OPCML: variants seen among roughly 807,000 people sequenced by gnomAD.
OPCML encodes the protein opioid binding protein/cell adhesion molecule like.
A neutral mutation model predicts 37.8 loss-of-function variants in OPCML; 13 were observed. The observed-to-expected ratio is 0.34, with a 90% CI of 0.22 to 0.55. The LOEUF is 0.55. Ranked by LOEUF, OPCML falls within the 20% of genes least tolerant of loss-of-function variation. OPCML has a pLI of 0.91. For missense variants in OPCML, 341 were observed against 435.6 expected, an observed-to-expected ratio of 0.78 and a Z score of 1.93; for synonymous variants, 176 against 168.8, an observed-to-expected ratio of 1.04 and a Z score of -0.33.
At chr11:133,280,186 T>C (rs1390830299) in intron 1 of OPCML, among the ~76,000 whole-genome samples, 1 of 152,230 alleles carries the variant, frequency 6.6e-6, no homozygotes, top group Non-Finnish European at 1.5e-5. Context: ...TCTGTTTCAT[T>C]GTATCTTTCC....
Position 133,235,651 on chromosome 11 carries a change from C to T in OPCML, c.62-292641G>A, listed in dbSNP as rs187905596. On this transcript the variant is annotated intron_variant, in intron 1 of 7. Coordinates refer to ENST00000524381, the MANE Select transcript of OPCML (RefSeq NM_001012393.5). ...GAGGTAAAGCTGTTAGGAAACTGAACGCTGGCTCAACAGACCCCAAAAAAT... is the reference window on the plus strand; with the variant it reads ...GAGGTAAAGCTGTTAGGAAACTGAATGCTGGCTCAACAGACCCCAAAAAAT... 1.4e-4 allele frequency among the ~76,000 whole-genome samples: 21 copies of T among 152,314 alleles called. No homozygotes were observed. In the East Asian group the frequency reaches 1.9e-3, roughly 14 times the overall value.
chr11:132,529,296 G>T, intron 3 of OPCML, 110 bp from the exon 4 acceptor site: 3 of 1,353,158 alleles, frequency 2.2e-6, no homozygotes, highest in South Asian at 1.7e-5. Context: ...AATATTGTTT[G>T]CAGTAATAAA....
chr11:133,100,202 A>G (rs1422556021), intron 1 of OPCML, among the ~76,000 whole-genome samples: 1 of 152,192 alleles, frequency 6.6e-6, no homozygotes, highest in African/African-American at 2.4e-5. Flanking sequence ...GGATCAAAGT[A>G]CTACCTATCA....
chr11:133,139,993 C>A (rs928926038), intron 1 of OPCML, among the ~76,000 whole-genome samples: 1 of 151,476 alleles, frequency 6.6e-6, no homozygotes, highest in Non-Finnish European at 1.5e-5. Flanking sequence ...TCGAGACCAG[C>A]CTGGTCTATA....
chr11:132,667,678 G>A (rs1025263080), intron 2 of OPCML, among the ~76,000 whole-genome samples: 1 of 152,174 alleles, frequency 6.6e-6, no homozygotes, highest in African/African-American at 2.4e-5. Flanking sequence ...GGGAAAGCCA[G>A]GAGGCAATCT....
At chr11:133,408,210 T>G (rs1056242049) in intron 1 of OPCML, among the ~76,000 whole-genome samples, 14 of 152,224 alleles carry the variant, frequency 9.2e-5, no homozygotes, top group African/African-American at 3.4e-4. Flanking sequence ...TATTAAACTT[T>G]GAGATGCGTG....
chr11:132,449,870 G>C (rs1409602374), intron 4 of OPCML, among the ~76,000 whole-genome samples: 1 of 152,164 alleles, frequency 6.6e-6, no homozygotes, highest in Non-Finnish European at 1.5e-5. Context: ...CTCTTTTCAT[G>C]AGGGTCTTTC....
intron 1 of OPCML, among the ~76,000 whole-genome samples, chr11:133,161,245 T>C (rs1401142071): frequency 2.0e-5 from 3 of 152,134 alleles, no homozygotes; most frequent in African/African-American, 7.2e-5. Flanking sequence ...GAAAATATAA[T>C]AACAACATGT....
intron 1 of OPCML, chr11:133,008,723 G>T: frequency 4.0e-6 from 1 of 247,256 alleles, no homozygotes; most frequent in Non-Finnish European, 6.4e-6. Context: ...AGGACTGACT[G>T]AGGCCTCTGA....
intron 1 of OPCML, among the ~76,000 whole-genome samples, chr11:133,179,653 C>T (rs1937728720): frequency 6.6e-6 from 1 of 152,138 alleles, no homozygotes; most frequent in Non-Finnish European, 1.5e-5. Context: ...GATGTAGACC[C>T]ACAAAGAGGG....
chr11:132,436,005 A>G, intron 7 of OPCML, 81 bp downstream of exon 7: 1 of 1,450,028 alleles, frequency 6.9e-7, no homozygotes, highest in Non-Finnish European at 9.4e-7. Flanking sequence ...CAGGCCAAGC[A>G]GATTGCAACT....
chr11:133,394,246 G>A (rs188655703), intron 1 of OPCML, among the ~76,000 whole-genome samples: 19 of 152,176 alleles, frequency 1.2e-4, no homozygotes, highest in Admixed American at 3.9e-4. Context: ...CCACATCAGC[G>A]TCTCTCATTC....
At chr11:133,422,165 G>T (rs926986255) in intron 1 of OPCML, 78 of 981,300 alleles carry the variant, frequency 7.9e-5, no homozygotes, top group Non-Finnish European at 9.2e-5. Flanking sequence ...GTTTGTTGTT[G>T]TTGTTGTTGT....
chr11:132,956,733 C>T (rs1274508025), intron 1 of OPCML, among the ~76,000 whole-genome samples: 2 of 152,320 alleles, frequency 1.3e-5, no homozygotes, highest in East Asian at 3.9e-4. Flanking sequence ...CCAGCACTGA[C>T]ATTGTATTCT....
chr11:132,976,012 C>A (rs1434417793), intron 1 of OPCML, among the ~76,000 whole-genome samples: 1 of 152,094 alleles, frequency 6.6e-6, no homozygotes, highest in Non-Finnish European at 1.5e-5. Context: ...CCTTGTGATC[C>A]GCCCACCTCG....
intron 2 of OPCML, among the ~76,000 whole-genome samples, chr11:132,880,921 C>T (rs182551264): frequency 6.0e-4 from 91 of 152,332 alleles, no homozygotes; most frequent in African/African-American, 2.0e-3. Context: ...AGACAACACT[C>T]CCCACCCCCA....
chr11:133,008,444 G>A, intron 1 of OPCML: 1 of 984,646 alleles, frequency 1.0e-6, no homozygotes, highest in African/African-American at 1.7e-5. Flanking sequence ...TTCTGATTGT[G>A]GTAGATGCCA....
At chr11:133,226,822 G>A (rs1408904027) in intron 1 of OPCML, among the ~76,000 whole-genome samples, 1 of 152,076 alleles carries the variant, frequency 6.6e-6, no homozygotes, top group African/African-American at 2.4e-5. Context: ...GCCCAGAGGA[G>A]CCCAAACCAG....
At chr11:133,133,176 G>GA (rs1166552839) in intron 1 of OPCML, among the ~76,000 whole-genome samples, 5 of 152,166 alleles carry the variant, frequency 3.3e-5, no homozygotes, top group African/African-American at 1.2e-4. Context: ...GGCTGAAGTG[G>GA]AATCAGATGC....
Sources: gnomAD v4.1 joint callset for allele counts (sites outside exome capture counted in the v4.1 genomes callset) on GRCh38, gnomAD v4.1.1 for gene constraint, MANE v1.5 for transcripts, NCBI Gene and HGNC (gene_info 2026-07-23, HGNC 2026-07-21) for gene names.